The following DAB2 variants were observed in gnomAD, a reference collection of about 807,000 sequenced individuals.
DAB2 encodes the protein DAB adaptor protein 2.
Under a neutral mutation model 71.6 loss-of-function variants are expected in DAB2, and 28 were observed. The ratio of observed to expected loss-of-function variants is 0.39; its 90% CI spans 0.29 to 0.54. The LOEUF is 0.54. Ranked by LOEUF, DAB2 falls within the 20% of genes least tolerant of loss-of-function variation. The pLI, the probability that DAB2 is intolerant of heterozygous loss-of-function variation, is 0.68. For synonymous variants in DAB2, 345 were observed against 339.7 expected (o/e 1.02, Z -0.17); for missense variants, 867 against 928.8 (o/e 0.93, Z 0.86).
chr5:39,408,809 G>C (rs1224852345), intron 1 of DAB2: 2 of 152,176 alleles, frequency 1.3e-5, no homozygotes, highest in African/African-American at 2.4e-5. Context: ...CAAGCAGGCT[G>C]AAGGTCAGAA....
chr5:39,395,956 T>TTTTTTC, intron 1 of DAB2, among the ~76,000 whole-genome samples: 2 of 134,484 alleles, frequency 1.5e-5, no homozygotes, highest in Non-Finnish European at 3.2e-5. Flanking sequence ...TTTTTTTTTT[T>TTTTTTC]TTTTGAGACG....
chr5:39,396,778 G>A (rs1420309577), intron 1 of DAB2, among the ~76,000 whole-genome samples: 1 of 152,192 alleles, frequency 6.6e-6, no homozygotes, highest in Non-Finnish European at 1.5e-5. Context: ...GAGAGGGTGA[G>A]AACATCTTTC....
In DAB2 at chr5:39,421,917, A is replaced by T. The variant is rs75606917; in HGVS notation, c.-102+2887T>A. ...ACTACTACTACAAAAAAAAAAAAAAAATATTATCCAGGTATGGTGGCGGGT... is the reference window on the plus strand; with the variant it reads ...ACTACTACTACAAAAAAAAAAAAAATATATTATCCAGGTATGGTGGCGGGT... On this transcript the variant is annotated intron_variant, in intron 1 of 14. Transcript: ENST00000320816. Among the ~76,000 whole-genome samples, 1,354 of 150,780 alleles carry T rather than the reference A, an allele frequency of 9.0e-3. 11 individuals carry two copies. The highest frequency in any genetic ancestry group is 0.024 in the African/African-American group (987 of 40,636).
intron 1 of DAB2, among the ~76,000 whole-genome samples, chr5:39,421,565 G>A (rs1440187768): frequency 6.6e-6 from 1 of 152,148 alleles, no homozygotes; most frequent in East Asian, 1.9e-4. Context: ...CCTGTTGGAG[G>A]CAGCCAGTGT....
At chr5:39,377,404 C>T in intron 11 of DAB2, 122 bp from the exon 12 acceptor site, 1 of 971,762 alleles carries the variant, frequency 1.0e-6, no homozygotes, top group South Asian at 1.6e-5. Flanking sequence ...AGCCCTGAGG[C>T]TGATATGGGA....
intron 1 of DAB2, among the ~76,000 whole-genome samples, chr5:39,411,205 CA>C (rs1008852355): frequency 2.0e-4 from 30 of 152,068 alleles, no homozygotes; most frequent in Non-Finnish European, 3.1e-4. Flanking sequence ...ATGAAATACT[CA>C]TATTTATATT....
chr5:39,390,981 C>T (rs1440752899), intron 4 of DAB2, among the ~76,000 whole-genome samples: 5 of 152,164 alleles, frequency 3.3e-5, no homozygotes, highest in Non-Finnish European at 5.9e-5. Flanking sequence ...GGAGTGTTCA[C>T]AGGGATTCAT....
At position 39,391,973 on chromosome 5, in the gene DAB2, A is replaced by T. The variant is rs1248869034; in HGVS notation, c.330+392T>A. Reference sequence around the variant, plus strand: ...TTCTGTATACCCGAGGTCAAAAAAAAAAAAAAAAATATATATATATAGAAG... The same window carrying T: ...TTCTGTATACCCGAGGTCAAAAAAATAAAAAAAAATATATATATATAGAAG... On this transcript the variant is annotated intron_variant, in intron 4 of 14. Transcript: ENST00000320816. Among the ~76,000 whole-genome samples, 442 of 145,352 alleles carry T rather than the reference A, an allele frequency of 3.0e-3. 1 individual carries two copies. The highest frequency in any genetic ancestry group is 0.011 in the African/African-American group (419 of 39,308).
intron 4 of DAB2, among the ~76,000 whole-genome samples, chr5:39,391,984 A>ATG (rs1755241882): frequency 7.0e-6 from 1 of 142,080 alleles, no homozygotes; most frequent in South Asian, 2.2e-4. Context: ...AAAAAAAAAT[A>ATG]TATATATATA....
At chr5:39,403,214 T>C (rs1755540515) in intron 1 of DAB2, among the ~76,000 whole-genome samples, 1 of 152,160 alleles carries the variant, frequency 6.6e-6, no homozygotes. Flanking sequence ...ATTATAATGA[T>C]TAGAAAACTG....
intron 1 of DAB2, among the ~76,000 whole-genome samples, chr5:39,394,977 CT>C (rs1203892731): frequency 1.5e-4 from 23 of 152,134 alleles, no homozygotes; most frequent in African/African-American, 5.3e-4. Context: ...AAAACACATC[CT>C]TTTTTGCCAT....
At chr5:39,394,140 G>T in intron 2 of DAB2, 90 bp downstream of exon 2, 2 of 1,050,830 alleles carry the variant, frequency 1.9e-6, no homozygotes, top group Non-Finnish European at 2.9e-6. Flanking sequence ...GAAGATCAGA[G>T]CCAGCCCTTA....
At chr5:39,381,805 A>T (rs922627643) in intron 10 of DAB2, among the ~76,000 whole-genome samples, 189 bp from the exon 11 acceptor site, 1 of 152,206 alleles carries the variant, frequency 6.6e-6, no homozygotes, top group Non-Finnish European at 1.5e-5. Context: ...GATTCCTACA[A>T]CGGACGGACT....
At position 39,377,094 on chromosome 5, in the gene DAB2, T is replaced by C; in HGVS notation, c.1693A>G (p.Thr565Ala). ...WNQPSPFAAS[T>A]PPPVPVVWGP... Reference sequence around the variant, plus strand: ...CAGACAACAGGCACTGGAGGGGGAGTTGAGGCTGCAAAGGGTGAAGGCTGG... The same window carrying C: ...CAGACAACAGGCACTGGAGGGGGAGCTGAGGCTGCAAAGGGTGAAGGCTGG... Residue 565 changes from threonine (T) to alanine (A), a missense_variant, in exon 12 of 15, where the codon ACT becomes GCT. Transcript: ENST00000320816. 6.2e-7 allele frequency: 1 copy of C among 1,613,362 alleles called. No individual in the cohort carries two copies. Among genetic ancestry groups the C allele is most frequent in the Non-Finnish European group, 8.5e-7 (1 of 1,179,860 alleles).
chr5:39,385,194 TCAGAGAAATGGATTGGAAG>T (rs1380382297), intron 9 of DAB2: 1 of 152,090 alleles, frequency 6.6e-6, no homozygotes, highest in East Asian at 1.9e-4. Context: ...AAAAATTTAA[TCAGAGAAATGGATTGGAAG>T]AGCTATTAAT....
chr5:39,388,884 TTGAGCTTTGTC>T, intron 7 of DAB2, 32 bp from the exon 8 acceptor site: 1 of 1,573,974 alleles, frequency 6.4e-7, no homozygotes, highest in South Asian at 1.1e-5. Context: ...AAGGATTTAG[TTGAGCTTTGTC>T]TATAAAATGT....
chr5:39,377,273 G>C lies in DAB2; in HGVS notation c.1514C>G (p.Thr505Ser). 6.2e-7 allele frequency: 1 copy of C among 1,609,264 alleles called. No individual in the cohort carries two copies. The highest frequency in any genetic ancestry group is 8.5e-7 in the Non-Finnish European group (1 of 1,177,398). Reference protein sequence around the residue: ...VGPLVGLGGVTVTLPQAGPWN... With the variant: ...VGPLVGLGGVSVTLPQAGPWN... Reference sequence around the variant, plus strand: ...TGGTCCTGCCTGAGGGAGTGTGACAGTTACACCACCTGAAGTAAGAGGAAG... The same window carrying C: ...TGGTCCTGCCTGAGGGAGTGTGACACTTACACCACCTGAAGTAAGAGGAAG... Residue 505 changes from threonine to serine, a missense_variant, in exon 12 of 15, where the codon ACT becomes AGT. Coordinates refer to ENST00000320816, the MANE Select transcript of DAB2 (RefSeq NM_001343.4).
intron 14 of DAB2, chr5:39,374,739 C>A: frequency 3.0e-6 from 1 of 336,678 alleles, no homozygotes; most frequent in Non-Finnish European, 5.4e-6. Flanking sequence ...GTTTTACTTC[C>A]CACACAGAAC....
chr5:39,412,399 A>G (rs1316353193), intron 1 of DAB2, among the ~76,000 whole-genome samples: 6 of 152,196 alleles, frequency 3.9e-5, no homozygotes, highest in Non-Finnish European at 8.8e-5. Flanking sequence ...AGTGATCTTT[A>G]CCAGCAAGTT....
Sources: allele counts gnomAD v4.1 joint callset (sites outside exome capture counted in the v4.1 genomes callset), GRCh38; gene constraint gnomAD v4.1.1; transcripts MANE v1.5; gene names NCBI Gene and HGNC (gene_info 2026-07-23, HGNC 2026-07-21).